The following ZBED4 variants were observed in gnomAD, a reference collection of about 807,000 sequenced individuals.
ZBED4 encodes zinc finger BED domain-containing protein 4.
A neutral mutation model predicts 15.5 loss-of-function variants in ZBED4; 4 were observed. That is an observed-to-expected ratio of 0.26 (90% confidence interval 0.13 to 0.59). The LOEUF is 0.59. Ranked by LOEUF, ZBED4 falls within the 20% of genes least tolerant of loss-of-function variation. The pLI, the probability that ZBED4 is intolerant of heterozygous loss-of-function variation, is 0.90. For missense variants in ZBED4, 1,323 were observed against 1,461.8 expected (o/e 0.91, Z 1.55); for synonymous variants, 692 against 608.5 (o/e 1.14, Z -2.02).
chr22:49,867,863 C>T (rs1004346841), intron 1 of ZBED4, among the ~76,000 whole-genome samples: 1 of 152,240 alleles, frequency 6.6e-6, no homozygotes, highest in Non-Finnish European at 1.5e-5. Context: ...TCCAGCCCCC[C>T]TCAAATGTGC....
At chr22:49,878,908 G>A (rs2060392349) in intron 1 of ZBED4, among the ~76,000 whole-genome samples, 1 of 151,944 alleles carries the variant, frequency 6.6e-6, no homozygotes, top group African/African-American at 2.4e-5. Flanking sequence ...ACTTTGGGAG[G>A]CCGAGGCGGG....
intron 1 of ZBED4, among the ~76,000 whole-genome samples, chr22:49,854,647 C>T (rs547420846): frequency 1.3e-5 from 2 of 152,176 alleles, no homozygotes; most frequent in African/African-American, 2.4e-5. Context: ...GTTGTGTGGC[C>T]CACACCGCCT....
Position 49,889,309 on chromosome 22 carries a change from T to C in ZBED4, c.*2131T>C, listed in dbSNP as rs2060456245. 6.0e-6 allele frequency: 1 copy of C among 167,106 alleles called. No individual in the cohort carries two copies. Among genetic ancestry groups the C allele is most frequent in the Non-Finnish European group, 1.5e-5 (1 of 68,122 alleles). The allele number at this position is 167,106 out of a possible 1,614,324, so 10.4% of individuals were successfully genotyped here. A position where few individuals can be genotyped will look rare whatever the true frequency, so the allele number is the denominator to read the frequency against. ...ACAGCTGTTTTTTTAACATGGTGTCTTGGCTACTTTCAGGCTGCGACGGGA... is the reference window on the plus strand; with the variant it reads ...ACAGCTGTTTTTTTAACATGGTGTCCTGGCTACTTTCAGGCTGCGACGGGA... On this transcript the variant is annotated 3_prime_UTR_variant, in exon 2 of 2. Transcript: ENST00000216268.
Position 49,884,509 on chromosome 22 carries a change from G to A in ZBED4, c.847G>A (p.Gly283Arg), listed in dbSNP as rs2147548049. Residue 283 changes from glycine to arginine, a missense_variant, in exon 2 of 2, where the codon GGG becomes AGG. Physicochemically the swap from Gly to Arg is moderately radical, Grantham distance 125. Coordinates refer to ENST00000216268, the MANE Select transcript of ZBED4 (RefSeq NM_014838.3). ...KSLPLPKSTS[G>R]SRRRSAVWKH... ...CCTTCCACTTCCAAAGAGCACCTCTGGGTCCAGGAGAAGGTCCGCTGTCTG... is the reference window on the plus strand; with the variant it reads ...CCTTCCACTTCCAAAGAGCACCTCTAGGTCCAGGAGAAGGTCCGCTGTCTG... 1 of 1,614,148 alleles carries A rather than the reference G, an allele frequency of 6.2e-7. No individual in the cohort carries two copies. Among genetic ancestry groups the A allele is most frequent in the East Asian group, 2.2e-5 (1 of 44,884 alleles).
Position 49,886,469 on chromosome 22 carries a change from C to CTTTA in ZBED4, c.2807_2808insTTTA (p.Lys938AlafsTer114). ...GAGGTCATGCAGTCCGTGTGCCGTG[C>CTTTA]GCTAAAGCCCTTCGAGGCTGCGAGC... On this transcript the variant is annotated frameshift_variant, in exon 2 of 2. Transcript: ENST00000216268. LOFTEE classifies it high-confidence loss of function. This position sits in a 1 kb window ranked among gnomAD's most constrained non-coding sequence, Gnocchi z 7.7. 2 of 1,569,126 alleles carry CTTTA rather than the reference C, an allele frequency of 1.3e-6. No individual in the cohort carries two copies. The highest frequency in any genetic ancestry group is 1.7e-6 in the Non-Finnish European group (2 of 1,156,572).
chr22:49,857,821 A>G (rs1479725541), intron 1 of ZBED4, among the ~76,000 whole-genome samples: 6 of 152,176 alleles, frequency 3.9e-5, no homozygotes, highest in Non-Finnish European at 8.8e-5. Flanking sequence ...CAATGGCACA[A>G]TCTCAGCTCC....
At chr22:49,869,768 A>G (rs1176850261) in intron 1 of ZBED4, among the ~76,000 whole-genome samples, 2 of 152,264 alleles carry the variant, frequency 1.3e-5, no homozygotes, top group African/African-American at 4.8e-5. Context: ...TTCCCATTTC[A>G]TCTGTGTCCT....
Position 49,884,317 on chromosome 22 carries a change from C to G in ZBED4, c.655C>G (p.Pro219Ala). 1.2e-6 allele frequency: 2 copies of G among 1,613,862 alleles called. No homozygotes were observed. The highest frequency in any genetic ancestry group is 1.7e-6 in the Non-Finnish European group (2 of 1,179,836). The change falls in exon 2 of 2, where the codon CCC becomes GCC. Residue 219 changes from proline (P) to alanine (A), a missense_variant. Physicochemically the swap from Pro to Ala is conservative, Grantham distance 27. This residue lies in a region of ZBED4 where 380 missense variants were observed against 413.7 expected (regional missense o/e 0.92). Coordinates refer to ENST00000216268, the MANE Select transcript of ZBED4 (RefSeq NM_014838.3). ...VQKVASKIPSPDRITEESVSV... is the reference protein window; with the variant it reads ...VQKVASKIPSADRITEESVSV... The stretch of plus-strand genomic sequence containing the variant: ...GAAAGTGGCGTCTAAGATCCCGTCC[C>G]CCGATCGAATAACAGAGGAGTCTGT...
chr22:49,855,517 C>G (rs2060271494), intron 1 of ZBED4, among the ~76,000 whole-genome samples: 1 of 152,162 alleles, frequency 6.6e-6, no homozygotes. Flanking sequence ...AAAAAAATTA[C>G]TAGGGGAGCG....
chr22:49,886,253 C>T lies in ZBED4; in HGVS notation c.2591C>T (p.Pro864Leu). The T allele has an allele frequency of 8.3e-7, 1 of 1,201,654 alleles. No individual in the cohort carries two copies. The highest frequency in any genetic ancestry group is 1.2e-6 in the Non-Finnish European group (1 of 832,622). The allele number at this position is 1,201,654 out of a possible 1,614,324, so 74.4% of individuals were successfully genotyped here. A position where few individuals can be genotyped will look rare whatever the true frequency, so the allele number is the denominator to read the frequency against. ...RKICERVHRS[P>L]KAKEKLAELQ... ...ATCTGCGAGCGGGTGCACCGGTCGC[C>T]CAAGGCGAAGGAGAAACTGGCCGAG... is the stretch of plus-strand genomic sequence containing the variant. The change falls in exon 2 of 2, where the codon CCC becomes CTC. Residue 864 changes from proline (P) to leucine (L), a missense_variant. Around this residue, in one of 6 missense-constraint regions of ZBED4, gnomAD observed 100 missense variants for 79.3 expected, o/e 1.26. Transcript: ENST00000216268. This position sits in a 1 kb window ranked among gnomAD's most constrained non-coding sequence, Gnocchi z 7.7.
At chr22:49,853,603 C>T (rs2060260681), upstream of ZBED4, among the ~76,000 whole-genome samples, 1 of 152,112 alleles carries the variant, frequency 6.6e-6, no homozygotes, top group Non-Finnish European at 1.5e-5. Context: ...CCGGAGCGCC[C>T]ACTGCGCCTG....
At chr22:49,872,423 TG>T (rs2060352804) in intron 1 of ZBED4, among the ~76,000 whole-genome samples, 1 of 152,200 alleles carries the variant, frequency 6.6e-6, no homozygotes, top group African/African-American at 2.4e-5. Context: ...CTTCCTCCAT[TG>T]AAGTCTGAGC....
At chr22:49,859,030 C>T (rs912458040) in intron 1 of ZBED4, among the ~76,000 whole-genome samples, 5 of 152,098 alleles carry the variant, frequency 3.3e-5, no homozygotes, top group African/African-American at 1.2e-4. Context: ...CCCTGCCCCC[C>T]ACAGTTGGCG....
At chr22:49,876,670 G>A (rs1225390728) in intron 1 of ZBED4, among the ~76,000 whole-genome samples, 1 of 151,872 alleles carries the variant, frequency 6.6e-6, no homozygotes, top group East Asian at 1.9e-4. Flanking sequence ...ATACTCACCG[G>A]CAGTGCTTGC....
intron 1 of ZBED4, among the ~76,000 whole-genome samples, chr22:49,874,189 C>T (rs2060363208): frequency 1.3e-5 from 2 of 151,808 alleles, no homozygotes; most frequent in Non-Finnish European, 2.9e-5. Context: ...CGAGGGGAAG[C>T]ACTCACTCTT....
In ZBED4 at chr22:49,886,557, C is replaced by T; in HGVS notation, c.2895C>T (p.Asn965=). Reference sequence around the variant, plus strand: ...TCATCCCCATGGTACACATCCTCAACAGGAAGGTGGAGATGCTCTTCGAGG... The same window carrying T: ...TCATCCCCATGGTACACATCCTCAATAGGAAGGTGGAGATGCTCTTCGAGG... ...SQVIPMVHIL[N]RKVEMLFEET... The change falls in exon 2 of 2, where the codon AAC becomes AAT. Residue 965 remains asparagine (N), a synonymous_variant. Coordinates refer to ENST00000216268, the MANE Select transcript of ZBED4 (RefSeq NM_014838.3). This position sits in a 1 kb window ranked among gnomAD's most constrained non-coding sequence, Gnocchi z 7.7. 1 of 1,561,086 alleles carries T rather than the reference C, an allele frequency of 6.4e-7. No homozygotes were observed. The highest frequency in any genetic ancestry group is 1.2e-5 in the South Asian group (1 of 82,550).
intron 1 of ZBED4, among the ~76,000 whole-genome samples, chr22:49,860,805 G>C (rs544820034): frequency 1.4e-3 from 206 of 146,152 alleles, no homozygotes; most frequent in African/African-American, 5.1e-3. Context: ...TTGAGACAGA[G>C]TCTTGCTCTG....
intron 1 of ZBED4, among the ~76,000 whole-genome samples, chr22:49,879,599 G>A (rs914915561): frequency 4.3e-5 from 6 of 140,956 alleles, no homozygotes; most frequent in East Asian, 2.1e-4. Flanking sequence ...GTGTCTGGGC[G>A]TGTTTCTATT....
Position 49,883,583 on chromosome 22 carries a change from T to G in ZBED4, c.-80T>G. On this transcript the variant is annotated 5_prime_UTR_variant, in exon 2 of 2. Coordinates refer to ENST00000216268, the MANE Select transcript of ZBED4 (RefSeq NM_014838.3). The stretch of plus-strand genomic sequence containing the variant: ...AATTATGACGAAAAAGTGAAGATAA[T>G]CTACATTCGGGGGCACAAATGAGCA... 2 of 1,433,836 alleles carry G rather than the reference T, an allele frequency of 1.4e-6. No homozygotes were observed. The highest frequency in any genetic ancestry group is 1.8e-6 in the Non-Finnish European group (2 of 1,090,440). The allele number at this position is 1,433,836 out of a possible 1,614,324, so 88.8% of individuals were successfully genotyped here.
Sources: gnomAD v4.1 joint callset for allele counts (sites outside exome capture counted in the v4.1 genomes callset) on GRCh38, gnomAD v4.1.1 for gene constraint, gnomAD v4.1.1 regional missense constraint, Gnocchi (gnomAD v3.1) non-coding constraint, MANE v1.5 for transcripts, NCBI Gene and HGNC (gene_info 2026-07-23, HGNC 2026-07-21) for gene names.